Variants in TACC3 observed in about 807,000 individuals in gnomAD.
TACC3 encodes the protein transforming acidic coiled-coil containing protein 3.
In TACC3, 52 loss-of-function variants were observed where a neutral mutation model predicts 86.0. The ratio of observed to expected loss-of-function variants is 0.60; its 90% CI spans 0.48 to 0.76. The LOEUF is 0.76. TACC3 is among the 30% of genes least tolerant of loss of function. The pLI is 0.00. For missense variants in TACC3, 1,120 were observed against 1,070.4 expected (o/e 1.05, Z -0.65); for synonymous variants, 512 against 430.0 (o/e 1.19, Z -2.36).
Position 1,737,636 on chromosome 4 carries a change from C to T in TACC3, c.1875C>T (p.Gly625=), listed in dbSNP as rs746274656. 101 of 1,538,452 alleles carry T rather than the reference C, an allele frequency of 6.6e-5. No individual in the cohort carries two copies. The highest frequency in any genetic ancestry group is 3.4e-4 in the South Asian group (28 of 82,732). The change falls in exon 10 of 16, where the codon GGC becomes GGT. Residue 625 remains glycine (G), a synonymous_variant. Transcript: ENST00000313288. ...GPPPGVPAPG[G]PPLSTGPIVD... ...CCCCAGGTGTTCCCGCGCCTGGGGG[C>T]CCACCCCTGTCCACCGGACCTATAG...
At chr4:1,729,797 G>A (rs1240628596) in intron 4 of TACC3, among the ~76,000 whole-genome samples, 2 of 152,082 alleles carry the variant, frequency 1.3e-5, no homozygotes, top group African/African-American at 2.4e-5. Flanking sequence ...ACTCCCCCAG[G>A]GAAAGGGAGA....
At position 1,728,430 on chromosome 4, in the gene TACC3, C is replaced by G; in HGVS notation, c.1028C>G (p.Ser343Cys). Residue 343 changes from serine (S) to cysteine (C), a missense_variant, in exon 4 of 16, where the codon TCT becomes TGT. Ser to Cys is a moderately radical substitution (Grantham distance 112, BLOSUM62 -1). Transcript: ENST00000313288. The stretch of plus-strand genomic sequence containing the variant: ...CCTGTAAAACTAGAATTTGATGTAT[C>G]TGATGGCGCCACCAGCAAAAGGGCA... Reference protein sequence around the residue: ...SGPVKLEFDVSDGATSKRAPP... With the variant: ...SGPVKLEFDVCDGATSKRAPP... 19 of 1,613,682 alleles carry G rather than the reference C, an allele frequency of 1.2e-5. No homozygotes were observed. The highest frequency in any genetic ancestry group is 1.6e-5 in the Non-Finnish European group (19 of 1,180,028).
chr4:1,724,760 A>G (rs936344593), intron 3 of TACC3, among the ~76,000 whole-genome samples: 2 of 146,010 alleles, frequency 1.4e-5, no homozygotes, highest in South Asian at 2.2e-4. Flanking sequence ...TGCTGATGTA[A>G]CTGTTGTTGC....
intron 3 of TACC3, among the ~76,000 whole-genome samples, chr4:1,725,850 G>A (rs1227321754): frequency 6.6e-6 from 1 of 152,276 alleles, no homozygotes; most frequent in Non-Finnish European, 1.5e-5. Flanking sequence ...GTGTCATTCA[G>A]AGGACAGCCG....
chr4:1,722,928 C>G (rs1048408356), intron 1 of TACC3, among the ~76,000 whole-genome samples: 1 of 152,104 alleles, frequency 6.6e-6, no homozygotes, highest in Admixed American at 6.6e-5. Context: ...GCTGCCTAGC[C>G]CGGTGGGAGA....
intron 4 of TACC3, among the ~76,000 whole-genome samples, chr4:1,730,137 C>A (rs949982770): frequency 2.0e-5 from 3 of 152,226 alleles, no homozygotes; most frequent in Admixed American, 2.0e-4. Context: ...CTCCCGGGTT[C>A]ACACCATTCT....
intron 12 of TACC3, 53 bp downstream of exon 12, chr4:1,740,055 C>T: frequency 6.3e-7 from 1 of 1,587,144 alleles, no homozygotes; most frequent in Non-Finnish European, 8.6e-7. Flanking sequence ...CTGCCTATGC[C>T]CCACCCTGGC....
At chr4:1,737,842 C>T (rs867555237) in intron 10 of TACC3, 140 bp downstream of exon 10, 1 of 846,664 alleles carries the variant, frequency 1.2e-6, no homozygotes. Context: ...TTGCAGAGAG[C>T]TGCCGGCCCC....
At chr4:1,731,057 TG>T in intron 5 of TACC3, 95 bp downstream of exon 5, 2 of 1,591,646 alleles carry the variant, frequency 1.3e-6, no homozygotes, top group Non-Finnish European at 1.7e-6. Context: ...GGTGACGGGG[TG>T]GGATGTCCCG....
rs753718727 is a variant in TACC3, at chr4:1,737,594, G to A, written c.1837-4G>A. The A allele has an allele frequency of 1.1e-4, 162 of 1,500,934 alleles. No individual in the cohort carries two copies. Among genetic ancestry groups the A allele is most frequent in the Non-Finnish European group, 1.3e-4 (142 of 1,120,226 alleles). 93.0% of individuals were successfully genotyped at this position (1,500,934 alleles called of 1,614,324 possible). A position where few individuals can be genotyped will look rare whatever the true frequency, so the allele number is the denominator to read the frequency against. On this transcript the variant is annotated splice_region_variant and splice_polypyrimidine_tract_variant and intron_variant, in intron 9 of 15. Coordinates refer to ENST00000313288, the MANE Select transcript of TACC3 (RefSeq NM_006342.3). ...GGTTCCTGTTTCATCCCCATCTCCC[G>A]CAGGTGCCAGGCCCACCCCCAGGTG...
chr4:1,731,530 T>C (rs546755835), intron 6 of TACC3, among the ~76,000 whole-genome samples: 3 of 152,186 alleles, frequency 2.0e-5, no homozygotes, highest in Non-Finnish European at 2.9e-5. Context: ...ATGGAAACTG[T>C]AGACTCAGGA....
At chr4:1,737,536 A>T in intron 9 of TACC3, 62 bp from the exon 10 acceptor site, 1 of 1,341,192 alleles carries the variant, frequency 7.5e-7, no homozygotes, top group Non-Finnish European at 1.0e-6. Context: ...CCTCCCTCAC[A>T]CTAGGTCAGA....
chr4:1,742,235 A>C (rs1167732993), intron 13 of TACC3: 6 of 152,310 alleles, frequency 3.9e-5, no homozygotes, highest in Non-Finnish European at 5.9e-5. Context: ...GCCCACCGGC[A>C]GCAGAGTACA....
In TACC3 at chr4:1,744,839, G is replaced by A. The variant is rs1269844330; in HGVS notation, c.2451+7G>A. On this transcript the variant is annotated splice_region_variant and intron_variant, in intron 15 of 15. Transcript: ENST00000313288. ...GAAGACAGTGGAGCAGAAGGTGGGT[G>A]CGGGAAGCCCAGCTCAAGGGGCCGT... The A allele has an allele frequency of 5.6e-6, 9 of 1,612,992 alleles. No individual in the cohort carries two copies. Among genetic ancestry groups the A allele is most frequent in the Non-Finnish European group, 7.6e-6 (9 of 1,180,036 alleles).
Position 1,731,720 on chromosome 4 carries a change from C to G in TACC3, c.1591+419C>G, listed in dbSNP as rs548503353. ...GCACAATCTGGGTTCAATGCAACCT[C>G]CACTTCCCAGGTTCAAGAGATTCTC... On this transcript the variant is annotated intron_variant, in intron 6 of 15. Coordinates refer to ENST00000313288, the MANE Select transcript of TACC3 (RefSeq NM_006342.3). Among the ~76,000 whole-genome samples the G allele has an allele frequency of 6.3e-4, 96 of 152,288 alleles. No individual in the cohort carries two copies. The South Asian group carries it at 7.3e-3, about 12-fold the overall frequency.
In TACC3 at chr4:1,727,956, A is replaced by C; in HGVS notation, c.554A>C (p.Asn185Thr). Residue 185 changes from asparagine to threonine, a missense_variant, in exon 4 of 16, where the codon AAC becomes ACC. Transcript: ENST00000313288. ...SGSPEQAVEE[N>T]LSSYSLDRRV... ...AGCCCTGAGCAAGCCGTGGAGGAAA[A>C]CCTTAGTTCCTATTCCTTAGACAGA... is the stretch of plus-strand genomic sequence containing the variant. 4 of 1,613,512 alleles carry C rather than the reference A, an allele frequency of 2.5e-6. No homozygotes were observed. Among genetic ancestry groups the C allele is most frequent in the Non-Finnish European group, 2.5e-6 (3 of 1,179,986 alleles).
At chr4:1,732,601 C>T (rs534297916) in intron 6 of TACC3, among the ~76,000 whole-genome samples, 23 of 152,354 alleles carry the variant, frequency 1.5e-4, no homozygotes, top group East Asian at 7.7e-4. Context: ...ACAGCAGACA[C>T]GAATGGCATG....
chr4:1,728,532 C>T lies in TACC3; in HGVS notation c.1130C>T (p.Ala377Val), dbSNP rs1368448590. The T allele has an allele frequency of 1.2e-6, 2 of 1,613,864 alleles. No individual in the cohort carries two copies. The highest frequency in any genetic ancestry group is 1.7e-6 in the Non-Finnish European group (2 of 1,179,986). ...LRKAAVRQQK[A>V]PQEVEEDDGR... ...AAAGCAGCAGTGAGGCAGCAAAAGGCCCCGCAGGAGGTGGAGGAGGACGAC... is the reference window on the plus strand; with the variant it reads ...AAAGCAGCAGTGAGGCAGCAAAAGGTCCCGCAGGAGGTGGAGGAGGACGAC... Residue 377 changes from alanine (A) to valine (V), a missense_variant, in exon 4 of 16, where the codon GCC becomes GTC. By Grantham distance (64) the Ala-to-Val change is moderately conservative. Transcript: ENST00000313288.
At chr4:1,729,662 C>T (rs995702156) in intron 4 of TACC3, among the ~76,000 whole-genome samples, 3 of 152,184 alleles carry the variant, frequency 2.0e-5, no homozygotes, top group African/African-American at 7.2e-5. Flanking sequence ...GTGTACAGAG[C>T]GGATCATGAA....
Sources: allele counts gnomAD v4.1 joint callset (sites outside exome capture counted in the v4.1 genomes callset), GRCh38; gene constraint gnomAD v4.1.1; transcripts MANE v1.5; gene names NCBI Gene and HGNC (gene_info 2026-07-23, HGNC 2026-07-21).